The following PRKCG variants were observed in gnomAD, a reference collection of about 807,000 sequenced individuals.
The protein encoded by PRKCG is protein kinase C gamma.
In PRKCG, 28 loss-of-function variants were observed where a neutral mutation model predicts 82.0. The ratio of observed to expected loss-of-function variants is 0.34; its 90% CI spans 0.25 to 0.47. The LOEUF (loss-of-function observed/expected upper bound fraction) is 0.47, where lower values mean the gene tolerates loss of function less well. PRKCG is among the 20% of genes least tolerant of loss of function. The pLI is 1.00. For missense variants in PRKCG, 640 were observed against 952.7 expected (o/e 0.67, Z 4.32); for synonymous variants, 383 against 376.6 (o/e 1.02, Z -0.20).
intron 9 of PRKCG, among the ~76,000 whole-genome samples, chr19:53,895,045 A>G (rs1012827806): frequency 3.9e-5 from 6 of 152,140 alleles, no homozygotes; most frequent in African/African-American, 1.4e-4. Context: ...TCTCTCCCTC[A>G]TTTACCCTTT....
Position 53,900,761 on chromosome 19 carries a change from C to G in PRKCG, c.1575+12C>G, listed in dbSNP as rs765626078. ...ACATAGCCCCGGAGGTAACCCCAAC[C>G]CTGCTGCTCTGGTCACGCTTTGAGA... On this transcript the variant is annotated intron_variant, in intron 14 of 17. Coordinates refer to ENST00000263431, the MANE Select transcript of PRKCG (RefSeq NM_002739.5). The surrounding 1 kb of genome is among the most constrained non-coding windows in gnomAD (Gnocchi z 4.2). The G allele has an allele frequency of 2.5e-6, 4 of 1,614,018 alleles. No homozygotes were observed. Among genetic ancestry groups the G allele is most frequent in the Non-Finnish European group, 3.4e-6 (4 of 1,180,044 alleles).
chr19:53,885,361 T>A (rs574106110), intron 3 of PRKCG, among the ~76,000 whole-genome samples: 39 of 152,332 alleles, frequency 2.6e-4, no homozygotes, highest in Admixed American at 1.7e-3. Flanking sequence ...CCTGAGTAGC[T>A]GGGACTACAG....
chr19:53,891,763 C>T lies in PRKCG; in HGVS notation c.619C>T (p.Leu207=). 2 of 1,614,164 alleles carry T rather than the reference C, an allele frequency of 1.2e-6. No homozygotes were observed. The highest frequency in any genetic ancestry group is 1.7e-6 in the Non-Finnish European group (2 of 1,180,034). ...GAAGCTCATCCCAGACCCTCGGAAC[C>T]TGACGAAACAGAAGACCCGAACGGT... ...KLKLIPDPRN[L]TKQKTRTVKA... Residue 207 remains leucine (L), a synonymous_variant, in exon 6 of 18, where the codon CTG becomes TTG. Transcript: ENST00000263431.
At chr19:53,901,849 C>CAAAA (rs752402468) in intron 14 of PRKCG, among the ~76,000 whole-genome samples, 16 of 69,080 alleles carry the variant, frequency 2.3e-4, no homozygotes, top group African/African-American at 6.7e-4. Flanking sequence ...GACCCTGTCT[C>CAAAA]AAAAAAAAAA....
chr19:53,896,376 GATTATTATTATTATTATT>G (rs113382850), intron 9 of PRKCG, among the ~76,000 whole-genome samples: 2,445 of 141,932 alleles, frequency 0.017, 71 homozygotes, highest in African/African-American at 0.058. Context: ...AAACAGCCCT[GATTATTATTATTATTATT>G]ATTATTATTA....
intron 16 of PRKCG, among the ~76,000 whole-genome samples, chr19:53,906,084 C>CTTCTTCTTCCTCTTCTTCTT (rs1555808689): frequency 7.1e-5 from 2 of 27,990 alleles, no homozygotes; most frequent in African/African-American, 7.3e-4. Context: ...TCCTCCTCCT[C>CTTCTTCTTCCTCTTCTTCTT]CTTCTTCTTC....
Position 53,883,312 on chromosome 19 carries a change from G to A in PRKCG, c.202+118G>A. On this transcript the variant is annotated intron_variant, in intron 2 of 17. Transcript: ENST00000263431. The surrounding 1 kb of genome is among the most constrained non-coding windows in gnomAD (Gnocchi z 5.4). The stretch of plus-strand genomic sequence containing the variant: ...CCCCAGAGAGGCGCGGGGGAGCCCG[G>A]GGCGGGGGGTGTGGCAGAGACACAG... 2 of 1,276,232 alleles carry A rather than the reference G, an allele frequency of 1.6e-6. No homozygotes were observed. The highest frequency in any genetic ancestry group is 1.1e-6 in the Non-Finnish European group (1 of 891,310). The allele number at this position is 1,276,232 out of a possible 1,614,324, so 79.1% of individuals were successfully genotyped here.
At chr19:53,881,286 G>A (rs2545047), upstream of PRKCG, among the ~76,000 whole-genome samples, 123,726 of 151,454 alleles carry the variant, frequency 0.82, 52,570 homozygotes, top group East Asian at 0.99. Flanking sequence ...TTATAAAGAC[G>A]GGTGGAGGTG....
In PRKCG at chr19:53,882,444, T is replaced by C; in HGVS notation, c.-51T>C. ...GTCTCCAGCTCCTCTCCCTTCCACCTGTTTCCCCCAAGAAAGGCAGGATCC... is the reference window on the plus strand; with the variant it reads ...GTCTCCAGCTCCTCTCCCTTCCACCCGTTTCCCCCAAGAAAGGCAGGATCC... On this transcript the variant is annotated 5_prime_UTR_variant, in exon 1 of 18. Transcript: ENST00000263431. The surrounding 1 kb of genome is among the most constrained non-coding windows in gnomAD (Gnocchi z 6.1). 10 of 1,588,242 alleles carry C rather than the reference T, an allele frequency of 6.3e-6. No homozygotes were observed. The highest frequency in any genetic ancestry group is 1.4e-5 in the African/African-American group (1 of 73,736).
chr19:53,898,734 T>C, intron 11 of PRKCG, 106 bp downstream of exon 11: 1 of 934,398 alleles, frequency 1.1e-6, no homozygotes. Flanking sequence ...AACTTTGTGC[T>C]CTCTGAGTGG....
Position 53,893,365 on chromosome 19 carries a change from T to A in PRKCG, c.913T>A (p.Cys305Ser). 6.2e-7 allele frequency: 1 copy of A among 1,613,676 alleles called. No individual in the cohort carries two copies. The highest frequency in any genetic ancestry group is 2.2e-5 in the East Asian group (1 of 44,870). Residue 305 changes from cysteine (C) to serine (S), a missense_variant, in exon 9 of 18, where the codon TGT (cysteine) becomes AGT (serine). Physicochemically the swap from Cys to Ser is moderately radical, Grantham distance 112 (BLOSUM62 -1). Transcript: ENST00000263431. ...NCSLLQKFEA[C>S]NYPLELYERV... ...CTCTCTCTTTCTTTTCTCCCAGGCTTGTAACTACCCCCTGGAATTGTATGA... is the reference window on the plus strand; with the variant it reads ...CTCTCTCTTTCTTTTCTCCCAGGCTAGTAACTACCCCCTGGAATTGTATGA...
chr19:53,906,851 G>A lies in PRKCG; in HGVS notation c.2050G>A (p.Asp684Asn), dbSNP rs376516192. The part of the protein sequence containing the change: ...TYVNPDFVHP[D>N]ARSPTSPVPV... ...CGTGAACCCCGACTTCGTGCACCCG[G>A]ATGCCCGCAGCCCCACCAGCCCAGT... The change falls in exon 18 of 18, where the codon GAT becomes AAT. Residue 684 changes from aspartate to asparagine, a missense_variant. Around this residue, in one of 7 missense-constraint regions of PRKCG, gnomAD observed 198 missense variants for 273.4 expected, o/e 0.72. Transcript: ENST00000263431. 1.2e-6 allele frequency: 2 copies of A among 1,613,554 alleles called. No homozygotes were observed. Among genetic ancestry groups the A allele is most frequent in the African/African-American group, 2.7e-5 (2 of 74,908 alleles).
intron 15 of PRKCG, 141 bp downstream of exon 15, chr19:53,903,294 G>A: frequency 1.3e-6 from 1 of 763,100 alleles, no homozygotes; most frequent in South Asian, 1.4e-5. Context: ...TTGTCTTAAT[G>A]TAGACCAGGT....
intron 16 of PRKCG, 144 bp from the exon 17 acceptor site, chr19:53,906,173 T>G (rs549165676): frequency 1.0e-6 from 1 of 995,778 alleles, no homozygotes; most frequent in African/African-American, 1.6e-5. Flanking sequence ...TTTGCCTGTT[T>G]CCCCTGGCTG....
At position 53,892,694 on chromosome 19, in the gene PRKCG, A is replaced by G. The variant is rs756445103; in HGVS notation, c.821+51A>G. ...GATGGAGCGCAATATTACCATCTCC[A>G]TCTGTGTGTGGTCTCTCTCCTCCAG... On this transcript the variant is annotated intron_variant, in intron 7 of 17. Coordinates refer to ENST00000263431, the MANE Select transcript of PRKCG (RefSeq NM_002739.5). The surrounding 1 kb of genome is among the most constrained non-coding windows in gnomAD (Gnocchi z 5.9). The G allele has an allele frequency of 4.2e-5, 67 of 1,587,452 alleles. No individual in the cohort carries two copies. The highest frequency in any genetic ancestry group is 4.0e-5 in the Non-Finnish European group (47 of 1,171,088).
chr19:53,889,525 T>G lies in PRKCG; in HGVS notation c.286-113T>G, dbSNP rs1157117177. ...TTATTGGTACATAGAGTGAAAGAGA[T>G]GGAGCCTCAGGCTGACCTAGAGAGC... On this transcript the variant is annotated intron_variant, in intron 3 of 17. Transcript: ENST00000263431. This position sits in a 1 kb window ranked among gnomAD's most constrained non-coding sequence, Gnocchi z 4.4. 1 of 769,754 alleles carries G rather than the reference T, an allele frequency of 1.3e-6. No individual in the cohort carries two copies. Among genetic ancestry groups the G allele is most frequent in the East Asian group, 2.7e-5 (1 of 37,320 alleles). The allele number at this position is 769,754 out of a possible 1,614,324, so 47.7% of individuals were successfully genotyped here.
intron 3 of PRKCG, among the ~76,000 whole-genome samples, chr19:53,886,076 A>G (rs553950413): frequency 4.0e-4 from 58 of 144,846 alleles, no homozygotes; most frequent in African/African-American, 1.4e-3. Context: ...AAAAAAAAAA[A>G]GATTTTTTTT....
rs2068610490 is a variant in PRKCG, at chr19:53,883,645, G to GA, written c.202+452dup. ...GGGCCGGCAGTTCTGGGGGGCGGGA[G>GA]AGGGGGGCGAGTCCTTGAGCACCAG... On this transcript the variant is annotated intron_variant, in intron 2 of 17. Transcript: ENST00000263431. This position sits in a 1 kb window ranked among gnomAD's most constrained non-coding sequence, Gnocchi z 5.4. 7.1e-6 allele frequency among the ~76,000 whole-genome samples: 1 copy of GA among 141,708 alleles called. No homozygotes were observed. The highest frequency in any genetic ancestry group is 1.5e-5 in the Non-Finnish European group (1 of 64,650). The allele number at this position is 141,708 out of a possible 152,430, so 93.0% of individuals were successfully genotyped here.
Position 53,892,434 on chromosome 19 carries a change from T to C in PRKCG, c.687-75T>C. 2 of 1,563,600 alleles carry C rather than the reference T, an allele frequency of 1.3e-6. No homozygotes were observed. Among genetic ancestry groups the C allele is most frequent in the Admixed American group, 1.8e-5 (1 of 54,222 alleles). Reference sequence around the variant, plus strand: ...CCAGCTGGCTGGGTTTGCCCCCACCTCCAGCACCAAGGATGGGGAACCGAG... The same window carrying C: ...CCAGCTGGCTGGGTTTGCCCCCACCCCCAGCACCAAGGATGGGGAACCGAG... On this transcript the variant is annotated intron_variant, in intron 6 of 17. Transcript: ENST00000263431. This position sits in a 1 kb window ranked among gnomAD's most constrained non-coding sequence, Gnocchi z 5.9.
Sources: allele counts gnomAD v4.1 joint callset (sites outside exome capture counted in the v4.1 genomes callset), GRCh38; gene constraint gnomAD v4.1.1; regional missense constraint gnomAD v4.1.1; non-coding constraint Gnocchi (gnomAD v3.1); transcripts MANE v1.5; gene names NCBI Gene and HGNC (gene_info 2026-07-23, HGNC 2026-07-21).